The following DLGAP2 variants were observed in gnomAD, a reference collection of about 807,000 sequenced individuals.
DLGAP2 encodes disks large-associated protein 2.
DLGAP2 carries 26 observed loss-of-function variants against 100.3 expected under a neutral mutation model. The ratio of observed to expected loss-of-function variants is 0.26; its 90% CI spans 0.19 to 0.36. The LOEUF (loss-of-function observed/expected upper bound fraction) is 0.36. DLGAP2 is among the 10% of genes least tolerant of loss of function. DLGAP2 has a pLI of 1.00. For synonymous variants in DLGAP2, 886 were observed against 630.1 expected (o/e 1.41, Z -6.08); for missense variants, 1,858 against 1,453.2 (o/e 1.28, Z -4.53).
chr8:1,190,276 A>G (rs2116727077), intron 2 of DLGAP2, among the ~76,000 whole-genome samples: 1 of 152,278 alleles, frequency 6.6e-6, no homozygotes, highest in Non-Finnish European at 1.5e-5. Flanking sequence ...GCTGTGGTTT[A>G]TGGCACCAAC....
intron 14 of DLGAP2, among the ~76,000 whole-genome samples, chr8:1,700,964 C>T (rs1012989416): frequency 6.6e-6 from 1 of 152,216 alleles, no homozygotes; most frequent in African/African-American, 2.4e-5. Flanking sequence ...GCCTCTGCCC[C>T]CTTTGGAGAG....
intron 11 of DLGAP2, among the ~76,000 whole-genome samples, chr8:1,677,150 T>G (rs1798830197): frequency 6.6e-6 from 1 of 152,172 alleles, no homozygotes; most frequent in Non-Finnish European, 1.5e-5. Flanking sequence ...AAAAACAAAT[T>G]TTGATGAGAA....
chr8:957,344 G>T (rs1042768556), intron 2 of DLGAP2, among the ~76,000 whole-genome samples: 3 of 152,248 alleles, frequency 2.0e-5, no homozygotes, highest in African/African-American at 7.2e-5. Context: ...TCGGCCCTGT[G>T]TGTGGAGTTC....
At chr8:949,506 A>T (rs1301440671) in intron 2 of DLGAP2, among the ~76,000 whole-genome samples, 1 of 152,128 alleles carries the variant, frequency 6.6e-6, no homozygotes, top group Non-Finnish European at 1.5e-5. Flanking sequence ...GCGAACATTC[A>T]AGCAGAAAAG....
intron 4 of DLGAP2, among the ~76,000 whole-genome samples, chr8:1,524,786 G>C (rs1184900100): frequency 6.6e-6 from 1 of 152,080 alleles, no homozygotes; most frequent in East Asian, 1.9e-4. Flanking sequence ...CCACAGACCT[G>C]GGCTTTCTGT....
At chr8:1,389,390 G>C (rs1796295083) in intron 3 of DLGAP2, among the ~76,000 whole-genome samples, 1 of 152,050 alleles carries the variant, frequency 6.6e-6, no homozygotes, top group South Asian at 2.1e-4. Context: ...AGAGAGGAGA[G>C]GTCAGAGAAA....
intron 3 of DLGAP2, among the ~76,000 whole-genome samples, chr8:1,415,350 C>A (rs1243872445): frequency 1.3e-5 from 2 of 152,038 alleles, no homozygotes; most frequent in African/African-American, 4.8e-5. Context: ...GGTACGTTGG[C>A]AAGTTTGTTA....
chr8:1,057,276 T>G (rs192176278), intron 2 of DLGAP2, among the ~76,000 whole-genome samples: 1 of 152,218 alleles, frequency 6.6e-6, no homozygotes, highest in African/African-American at 2.4e-5. Flanking sequence ...ACAGGTAAAT[T>G]TAATTACCTA....
At chr8:1,620,159 C>T (rs1563260987) in intron 6 of DLGAP2, among the ~76,000 whole-genome samples, 1 of 152,174 alleles carries the variant, frequency 6.6e-6, no homozygotes, top group Non-Finnish European at 1.5e-5. Context: ...TTAACGTCTG[C>T]GATCTCATTT....
At chr8:1,691,466 T>G in intron 12 of DLGAP2, 69 bp from the exon 13 acceptor site, 1 of 1,350,652 alleles carries the variant, frequency 7.4e-7, no homozygotes. Context: ...GGTGTGATGT[T>G]TCTGCTTTTG....
intron 3 of DLGAP2, among the ~76,000 whole-genome samples, chr8:1,494,230 CAT>C (rs1405208454): frequency 9.2e-5 from 14 of 152,384 alleles, no homozygotes; most frequent in Non-Finnish European, 1.9e-4. Flanking sequence ...TTTCCCTTCT[CAT>C]GTGTGAACCT....
chr8:1,332,855 G>A (rs978412192), intron 3 of DLGAP2, among the ~76,000 whole-genome samples: 1 of 152,198 alleles, frequency 6.6e-6, no homozygotes, highest in African/African-American at 2.4e-5. Flanking sequence ...TGGGCTTCTT[G>A]CTGGGTGCAG....
intron 1 of DLGAP2, among the ~76,000 whole-genome samples, chr8:794,156 T>C (rs1256601300): frequency 6.6e-6 from 1 of 151,638 alleles, no homozygotes; most frequent in Non-Finnish European, 1.5e-5. Context: ...ATTACAACCA[T>C]ATGAGTGAGG....
At chr8:1,411,725 A>G (rs771120649) in intron 3 of DLGAP2, among the ~76,000 whole-genome samples, 3 of 152,148 alleles carry the variant, frequency 2.0e-5, no homozygotes, top group African/African-American at 4.8e-5. Context: ...CTGCGTGTCT[A>G]CTTCATTTAA....
chr8:1,314,721 C>T (rs372727535), intron 3 of DLGAP2, among the ~76,000 whole-genome samples: 20 of 152,296 alleles, frequency 1.3e-4, no homozygotes, highest in African/African-American at 4.1e-4. Context: ...CCTCCTGCTC[C>T]GGAGGTCGAG....
chr8:1,341,825 G>A (rs374998118), intron 3 of DLGAP2, among the ~76,000 whole-genome samples: 8 of 152,310 alleles, frequency 5.3e-5, no homozygotes, highest in African/African-American at 1.9e-4. Flanking sequence ...CTGGCACATT[G>A]CCTACAGAAC....
intron 3 of DLGAP2, among the ~76,000 whole-genome samples, chr8:1,275,872 AAT>A (rs1345955393): frequency 2.0e-5 from 2 of 102,356 alleles, no homozygotes; most frequent in African/African-American, 7.7e-5. Flanking sequence ...AAATATATAT[AAT>A]ATATAAATAA....
chr8:1,094,290 C>G (rs1353890817), intron 2 of DLGAP2, among the ~76,000 whole-genome samples: 1 of 152,200 alleles, frequency 6.6e-6, no homozygotes, highest in African/African-American at 2.4e-5. Flanking sequence ...TATTTTAAGG[C>G]ATTTTAACTT....
At chr8:918,673 T>G (rs1469280758) in intron 2 of DLGAP2, among the ~76,000 whole-genome samples, 1 of 152,238 alleles carries the variant, frequency 6.6e-6, no homozygotes, top group African/African-American at 2.4e-5. Flanking sequence ...GGAAGACAAT[T>G]GTGTTAACCC....
Sources: allele counts gnomAD v4.1 joint callset (sites outside exome capture counted in the v4.1 genomes callset), GRCh38; gene constraint gnomAD v4.1.1; transcripts MANE v1.5; gene names NCBI Gene and HGNC (gene_info 2026-07-23, HGNC 2026-07-21).